Variants in ATP13A4 observed in about 807,000 individuals in gnomAD.
ATP13A4 encodes ATPase 13A4, also known as probable cation-transporting ATPase 13A4.
A neutral mutation model predicts 142.5 loss-of-function variants in ATP13A4; 114 were observed. That is an observed-to-expected ratio of 0.80 (90% CI 0.69 to 0.93). The LOEUF is 0.93. Among genes scored for constraint, ATP13A4 ranks in the 40% least tolerant of loss-of-function variants. The probability of loss-of-function intolerance (pLI) is 0.00; values close to 1 mark genes in which losing one functional copy is unlikely to be tolerated. For synonymous variants in ATP13A4, 488 were observed against 514.8 expected, an observed-to-expected ratio of 0.95 and a Z score of 0.70; for missense variants, 1,392 against 1,454.0, an observed-to-expected ratio of 0.96 and a Z score of 0.69.
At chr3:193,574,892 T>C (rs1300656639) in intron 2 of ATP13A4, among the ~76,000 whole-genome samples, 2 of 152,166 alleles carry the variant, frequency 1.3e-5, no homozygotes, top group African/African-American at 4.8e-5. Flanking sequence ...GGGCAGACTA[T>C]GGTAAAATAA....
intron 2 of ATP13A4, among the ~76,000 whole-genome samples, chr3:193,565,066 A>C (rs2108738458): frequency 6.6e-6 from 1 of 152,310 alleles, no homozygotes; most frequent in Non-Finnish European, 1.5e-5. Flanking sequence ...GAGTTGTAGA[A>C]TTATTTCATT....
At chr3:193,492,692 A>G (rs1720009329) in intron 5 of ATP13A4, among the ~76,000 whole-genome samples, 1 of 151,998 alleles carries the variant, frequency 6.6e-6, no homozygotes, top group Non-Finnish European at 1.5e-5. Context: ...CAGATTTCTC[A>G]TTTGTTGTGT....
chr3:193,572,724 T>C (rs1376569335), intron 2 of ATP13A4, among the ~76,000 whole-genome samples: 2 of 152,098 alleles, frequency 1.3e-5, no homozygotes, highest in African/African-American at 4.8e-5. Context: ...CCAGAAACTA[T>C]GCACCGCTGA....
At chr3:193,542,772 C>A (rs1197218423) in intron 1 of ATP13A4, among the ~76,000 whole-genome samples, 1 of 152,122 alleles carries the variant, frequency 6.6e-6, no homozygotes, top group Non-Finnish European at 1.5e-5. Flanking sequence ...AACTGGCTAG[C>A]CATATGCAGA....
intron 29 of ATP13A4, chr3:193,403,936 T>G (rs1241302647): frequency 1.0e-6 from 1 of 985,302 alleles, no homozygotes; most frequent in Non-Finnish European, 1.2e-6. Context: ...GTAGTTTTCC[T>G]AAAATCTACC....
upstream of ATP13A4, chr3:193,555,176 A>C (rs535851714): frequency 2.8e-6 from 1 of 354,410 alleles, no homozygotes; most frequent in African/African-American, 2.1e-5. Flanking sequence ...AGGACAATAC[A>C]GAGTTGGCAG....
At chr3:193,552,450 A>G (rs1490918568) in intron 1 of ATP13A4, among the ~76,000 whole-genome samples, 1 of 152,260 alleles carries the variant, frequency 6.6e-6, no homozygotes, top group Non-Finnish European at 1.5e-5. Context: ...AGTATATTAT[A>G]AAGCATGAAA....
intron 1 of ATP13A4, chr3:193,553,530 A>G (rs373771060): frequency 2.0e-4 from 31 of 152,362 alleles, no homozygotes; most frequent in African/African-American, 7.5e-4. Context: ...CTTCCTAAAG[A>G]AAACTCTTTA....
At chr3:193,417,640 G>A (rs1715132491) in intron 25 of ATP13A4, among the ~76,000 whole-genome samples, 1 of 152,216 alleles carries the variant, frequency 6.6e-6, no homozygotes, top group Non-Finnish European at 1.5e-5. Context: ...AAATGCCCTT[G>A]TCAGCACTGC....
chr3:193,580,787 A>T (rs561421950), intron 2 of ATP13A4, among the ~76,000 whole-genome samples: 102 of 152,306 alleles, frequency 6.7e-4, no homozygotes, highest in Non-Finnish European at 1.2e-3. Context: ...TTGGCTTAAA[A>T]GATTATAAAT....
intron 2 of ATP13A4, among the ~76,000 whole-genome samples, chr3:193,562,938 T>C (rs971006063): frequency 2.6e-5 from 4 of 152,166 alleles, no homozygotes; most frequent in Non-Finnish European, 5.9e-5. Context: ...GTGACAGCCA[T>C]GAAAAATTTG....
At position 193,399,031 on chromosome 3, in the gene ATP13A4, G is replaced by GT. The variant is rs1164155907; in HGVS notation, c.*3620dup. 1.3e-5 allele frequency among the ~76,000 whole-genome samples: 2 copies of GT among 151,972 alleles called. No homozygotes were observed. Among genetic ancestry groups the GT allele is most frequent in the African/African-American group, 2.4e-5 (1 of 41,368 alleles). ...AATACAAAGCTCTGAATAAATAATC[G>GT]TTTTTTTCAGTCATCACATCTGCAG... On this transcript the variant is annotated 3_prime_UTR_variant, in exon 30 of 30. Coordinates refer to ENST00000342695, the MANE Select transcript of ATP13A4 (RefSeq NM_032279.4).
chr3:193,407,966 G>C (rs901269334), intron 28 of ATP13A4, among the ~76,000 whole-genome samples: 1 of 152,248 alleles, frequency 6.6e-6, no homozygotes, highest in Non-Finnish European at 1.5e-5. Context: ...AAGGGCCCTT[G>C]CCAAAGGAGC....
chr3:193,566,542 C>T (rs116546325), intron 2 of ATP13A4, among the ~76,000 whole-genome samples: 2,073 of 152,290 alleles, frequency 0.014, 54 homozygotes, highest in African/African-American at 0.048. Flanking sequence ...CCTGGCACCC[C>T]TTTCCCTCTA....
chr3:193,512,762 G>C (rs1221127353), intron 2 of ATP13A4, among the ~76,000 whole-genome samples: 1 of 152,150 alleles, frequency 6.6e-6, no homozygotes, highest in East Asian at 1.9e-4. Context: ...CTAGGAGCCA[G>C]GACTCATGGG....
At chr3:193,530,481 G>A (rs554098853) in intron 1 of ATP13A4, among the ~76,000 whole-genome samples, 80 of 152,150 alleles carry the variant, frequency 5.3e-4, no homozygotes, top group Non-Finnish European at 8.8e-4. Context: ...TTCTCCCCAC[G>A]TTCCCTGAAC....
At position 193,518,403 on chromosome 3, in the gene ATP13A4, G is replaced by A. The variant is rs1162490384; in HGVS notation, c.61-3532C>T. ...CTTTTTATAAAGTTAAAAACTGCTA[G>A]CATTTCAATTATTTGGGGGATATAT... On this transcript the variant is annotated intron_variant, in intron 1 of 29. Transcript: ENST00000342695. Among the ~76,000 whole-genome samples, 3 of 152,178 alleles carry A rather than the reference G, an allele frequency of 2.0e-5. No individual in the cohort carries two copies. The East Asian group carries it at 5.8e-4, about 29-fold the overall frequency.
chr3:193,468,005 C>G (rs1003429654), intron 9 of ATP13A4, among the ~76,000 whole-genome samples: 1 of 151,998 alleles, frequency 6.6e-6, no homozygotes, highest in Admixed American at 6.6e-5. Flanking sequence ...ATGGAGAAAC[C>G]CCAGTTTTGT....
chr3:193,414,822 G>C, intron 25 of ATP13A4, 72 bp from the exon 26 acceptor site: 4 of 1,454,250 alleles, frequency 2.8e-6, no homozygotes, highest in Non-Finnish European at 3.8e-6. Context: ...AATGGCATAA[G>C]TTCATTGGCC....
Sources: allele counts gnomAD v4.1 joint callset (sites outside exome capture counted in the v4.1 genomes callset), GRCh38; gene constraint gnomAD v4.1.1; transcripts MANE v1.5; gene names NCBI Gene and HGNC (gene_info 2026-07-23, HGNC 2026-07-21).